Variants in SERINC1 observed in about 807,000 individuals in gnomAD.
SERINC1 encodes the protein tumor differentially expressed protein 2.
Under a neutral mutation model 52.9 loss-of-function variants are expected in SERINC1, and 38 were observed. The observed-to-expected ratio is 0.72, with a 90% CI of 0.55 to 0.94. SERINC1 has a LOEUF of 0.94. SERINC1 is among the 40% of genes least tolerant of loss of function. SERINC1 has a pLI of 0.00. For synonymous variants in SERINC1, 198 were observed against 183.1 expected, an observed-to-expected ratio of 1.08 and a Z score of -0.66; for missense variants, 471 against 533.9, an observed-to-expected ratio of 0.88 and a Z score of 1.16.
At chr6:122,459,929 T>C (rs555924151) in intron 1 of SERINC1, among the ~76,000 whole-genome samples, 1 of 152,284 alleles carries the variant, frequency 6.6e-6, no homozygotes, top group East Asian at 1.9e-4. Context: ...CAGGTCAAGA[T>C]GGAGAAACCA....
intron 1 of SERINC1, among the ~76,000 whole-genome samples, chr6:122,461,416 A>C (rs1775097275): frequency 6.7e-6 from 1 of 148,548 alleles, no homozygotes. Context: ...TAAACATAGA[A>C]TTTTGTACGC....
At chr6:122,461,314 T>G (rs1455494555) in intron 1 of SERINC1, among the ~76,000 whole-genome samples, 4 of 151,866 alleles carry the variant, frequency 2.6e-5, no homozygotes, top group African/African-American at 9.7e-5. Context: ...AAAAATAAAA[T>G]GTACATTATA....
At chr6:122,458,784 A>G in intron 1 of SERINC1, 103 bp from the exon 2 acceptor site, 1 of 817,482 alleles carries the variant, frequency 1.2e-6, no homozygotes. Context: ...AAAAAAGAAA[A>G]AAGACTAAAA....
intron 9 of SERINC1, among the ~76,000 whole-genome samples, 186 bp from the exon 10 acceptor site, chr6:122,445,365 T>C (rs1257903955): frequency 1.3e-5 from 2 of 152,228 alleles, no homozygotes; most frequent in Non-Finnish European, 2.9e-5. Context: ...AATCTGTTAT[T>C]TCCTTTAATG....
chr6:122,460,218 G>A (rs113729133), intron 1 of SERINC1, among the ~76,000 whole-genome samples: 12,623 of 152,114 alleles, frequency 0.083, 667 homozygotes, highest in Middle Eastern at 0.19. Context: ...GATTGCAGGC[G>A]TGCACCACCA....
intron 1 of SERINC1, among the ~76,000 whole-genome samples, chr6:122,466,416 T>C (rs1234070319): frequency 6.6e-6 from 1 of 152,134 alleles, no homozygotes; most frequent in Non-Finnish European, 1.5e-5. Context: ...TCCCTGGGTT[T>C]AGGTGATCCC....
intron 1 of SERINC1, among the ~76,000 whole-genome samples, chr6:122,459,543 CG>C: frequency 6.6e-6 from 1 of 152,032 alleles, no homozygotes; most frequent in South Asian, 2.1e-4. Context: ...GTCCACAAAA[CG>C]GAAATACATG....
intron 2 of SERINC1, among the ~76,000 whole-genome samples, chr6:122,456,881 T>C (rs1775006920): frequency 6.6e-6 from 1 of 152,170 alleles, no homozygotes; most frequent in African/African-American, 2.4e-5. Context: ...AACTCTATGC[T>C]GGTTGCTTAT....
At position 122,453,892 on chromosome 6, in the gene SERINC1, C is replaced by A; in HGVS notation, c.467G>T (p.Gly156Val). ...GTFTTVWFYVGMAGAFCFILI... is the reference protein window; with the variant it reads ...GTFTTVWFYVVMAGAFCFILI... The stretch of plus-strand genomic sequence containing the variant: ...GATGAAACAAAAGGCACCTGCCATG[C>A]CTACATAAAACCACACTGAAAGGGA... Residue 156 changes from glycine (G) to valine (V), a missense_variant, in exon 5 of 10, where the codon GGC (glycine) becomes GTC (valine). Coordinates refer to ENST00000339697, the MANE Select transcript of SERINC1 (RefSeq NM_020755.4). 6.3e-7 allele frequency: 1 copy of A among 1,596,300 alleles called. No homozygotes were observed. Among genetic ancestry groups the A allele is most frequent in the Non-Finnish European group, 8.6e-7 (1 of 1,168,692 alleles).
intron 5 of SERINC1, among the ~76,000 whole-genome samples, chr6:122,452,494 C>T (rs1350953588): frequency 6.6e-6 from 1 of 152,142 alleles, no homozygotes; most frequent in Non-Finnish European, 1.5e-5. Context: ...GCCCTCACAA[C>T]AATGATGCTT....
chr6:122,445,976 A>G (rs1774791469), intron 9 of SERINC1, among the ~76,000 whole-genome samples: 1 of 151,546 alleles, frequency 6.6e-6, no homozygotes. Context: ...CAATAATAAA[A>G]ATCAGTAAAG....
In SERINC1 at chr6:122,456,644, C is replaced by A; in HGVS notation, c.208G>T (p.Gly70Ter). Residue 70 changes from glycine to a stop codon, truncating the protein, a stop_gained, in exon 3 of 10, where the codon GGA becomes TGA. Coordinates refer to ENST00000339697, the MANE Select transcript of SERINC1 (RefSeq NM_020755.4). LOFTEE classifies it high-confidence loss of function. ...GMEEQLNKIP[G>*]FCENEKGVVP... ...ACACCTTTCTCATTCTCACAAAATC[C>A]AGGAATCTAGAAAAACAAAAGAGTT... The A allele has an allele frequency of 1.3e-6, 2 of 1,574,160 alleles. No individual in the cohort carries two copies. Among genetic ancestry groups the A allele is most frequent in the South Asian group, 1.2e-5 (1 of 82,536 alleles).
At position 122,444,882 on chromosome 6, in the gene SERINC1, T is replaced by C. The variant is rs1562211375; in HGVS notation, c.*162A>G. The C allele has an allele frequency of 1.5e-6, 1 of 657,262 alleles. No homozygotes were observed. Among genetic ancestry groups the C allele is most frequent in the Non-Finnish European group, 2.5e-6 (1 of 396,806 alleles). The allele number at this position is 657,262 out of a possible 1,614,324, so 40.7% of individuals were successfully genotyped here. On this transcript the variant is annotated 3_prime_UTR_variant, in exon 10 of 10. Coordinates refer to ENST00000339697, the MANE Select transcript of SERINC1 (RefSeq NM_020755.4). Reference sequence around the variant, plus strand: ...ATTCTACTTCACATATCAATGCACTTGGTAAGAAAATAACAAAATGACAAG... The same window carrying C: ...ATTCTACTTCACATATCAATGCACTCGGTAAGAAAATAACAAAATGACAAG...
chr6:122,468,229 T>C (rs1036327244), intron 1 of SERINC1, among the ~76,000 whole-genome samples: 5 of 152,222 alleles, frequency 3.3e-5, no homozygotes, highest in Non-Finnish European at 7.3e-5. Context: ...TTATACAATG[T>C]TTTTCTTAAA....
Position 122,446,965 on chromosome 6 carries a change from A to T in SERINC1, c.1035T>A (p.Thr345=). The stretch of plus-strand genomic sequence containing the variant: ...TTAATGTAGATTCATCACTTGTTAG[A>T]GTCAGTTTATTAACCTGACTATTGT... ...TSNNSQVNKL[T]LTSDESTLIE... The change falls in exon 9 of 10, where the codon ACT becomes ACA. Residue 345 remains threonine (T), a synonymous_variant. Transcript: ENST00000339697. 6.2e-7 allele frequency: 1 copy of T among 1,613,448 alleles called. No homozygotes were observed. The highest frequency in any genetic ancestry group is 8.5e-7 in the Non-Finnish European group (1 of 1,179,362).
intron 5 of SERINC1, 37 bp downstream of exon 5, chr6:122,453,733 T>C: frequency 6.6e-7 from 1 of 1,525,294 alleles, no homozygotes; most frequent in Non-Finnish European, 8.9e-7. Context: ...ACTTCAAAGT[T>C]CAACTATACT....
chr6:122,470,160 C>G (rs192927596), intron 1 of SERINC1, among the ~76,000 whole-genome samples: 9 of 152,316 alleles, frequency 5.9e-5, no homozygotes, highest in African/African-American at 1.9e-4. Context: ...CAGTTCACTA[C>G]GACCATCCCC....
Position 122,453,780 on chromosome 6 carries a change from A to G in SERINC1, c.579T>C (p.Cys193=). The change falls in exon 5 of 10, where the codon TGT becomes TGC. Residue 193 remains cysteine (C), a synonymous_variant. Transcript: ENST00000339697. ...GCGACGAAAGCTTACCTGCATACCA[A>G]CATCTCGAGTTCCCTTCTTCCATTT... ...VEKMEEGNSR[C]WYAALLSATA... The G allele has an allele frequency of 1.2e-6, 2 of 1,601,466 alleles. No homozygotes were observed. The highest frequency in any genetic ancestry group is 1.7e-6 in the Non-Finnish European group (2 of 1,171,886).
chr6:122,458,714 A>G (rs1231605099), intron 1 of SERINC1, 33 bp from the exon 2 acceptor site: 3 of 1,421,214 alleles, frequency 2.1e-6, no homozygotes, highest in Non-Finnish European at 2.9e-6. Flanking sequence ...AAATATTATT[A>G]AGAATCAGTA....
Sources: allele counts gnomAD v4.1 joint callset (sites outside exome capture counted in the v4.1 genomes callset), GRCh38; gene constraint gnomAD v4.1.1; transcripts MANE v1.5; gene names NCBI Gene and HGNC (gene_info 2026-07-23, HGNC 2026-07-21).